The following MAP6 variants were observed in gnomAD, a reference collection of about 807,000 sequenced individuals.
MAP6 encodes the protein microtubule-associated protein 6.
Under a neutral mutation model 42.4 loss-of-function variants are expected in MAP6, and 26 were observed. That is an observed-to-expected ratio of 0.61 (90% CI 0.45 to 0.85). The LOEUF (loss-of-function observed/expected upper bound fraction) is 0.85, where lower values mean the gene tolerates loss of function less well. Among genes scored for constraint, MAP6 ranks in the 40% least tolerant of loss-of-function variants. The probability of loss-of-function intolerance (pLI) is 0.00; values close to 1 mark genes in which losing one functional copy is unlikely to be tolerated. For missense variants in MAP6, 966 were observed against 1,099.0 expected (o/e 0.88, Z 1.71); for synonymous variants, 418 against 443.8 (o/e 0.94, Z 0.73).
At chr11:75,601,483 C>T (rs368594710) in intron 3 of MAP6, among the ~76,000 whole-genome samples, 14 of 152,140 alleles carry the variant, frequency 9.2e-5, no homozygotes, top group Admixed American at 2.6e-4. Context: ...CAAATACATA[C>T]GGCTTTTCAT....
intron 1 of MAP6, among the ~76,000 whole-genome samples, chr11:75,622,391 T>A (rs978036726): frequency 6.6e-6 from 1 of 152,078 alleles, no homozygotes; most frequent in African/African-American, 2.4e-5. Flanking sequence ...ATTACATGTA[T>A]GAGCCACTGC....
intron 3 of MAP6, among the ~76,000 whole-genome samples, chr11:75,597,436 A>G (rs942708777): frequency 4.6e-5 from 7 of 152,246 alleles, no homozygotes; most frequent in Non-Finnish European, 8.8e-5. Flanking sequence ...TGTATGAGAA[A>G]TATTTTTAAA....
At position 75,587,788 on chromosome 11, in the gene MAP6, C is replaced by A; in HGVS notation, c.1713G>T (p.Lys571Asn). 1.9e-6 allele frequency: 3 copies of A among 1,613,566 alleles called. No individual in the cohort carries two copies. The highest frequency in any genetic ancestry group is 2.5e-6 in the Non-Finnish European group (3 of 1,179,558). Residue 571 changes from lysine to asparagine, a missense_variant, in exon 4 of 4, where the codon AAG (lysine) becomes AAT (asparagine). This residue lies in a region of MAP6 where 943 missense variants were observed against 1,049.9 expected (regional missense o/e 0.90). Coordinates refer to ENST00000304771, the MANE Select transcript of MAP6 (RefSeq NM_033063.2). ...GTGCTGGGACCATAGGAGCTTGATTCTTCACAGGCTCAGGAATCCTAGGAC... is the reference window on the plus strand; with the variant it reads ...GTGCTGGGACCATAGGAGCTTGATTATTCACAGGCTCAGGAATCCTAGGAC... ...DQGPRIPEPV[K>N]NQAPMVPAPV... is the part of the protein sequence containing the mutation.
chr11:75,664,880 A>G (rs1943919378), intron 1 of MAP6, among the ~76,000 whole-genome samples: 1 of 151,760 alleles, frequency 6.6e-6, no homozygotes, highest in Non-Finnish European at 1.5e-5. Context: ...GTTAATTTTT[A>G]TTCTGGAACA....
chr11:75,666,620 T>C (rs1347994971), intron 1 of MAP6, among the ~76,000 whole-genome samples: 3 of 152,272 alleles, frequency 2.0e-5, no homozygotes, highest in African/African-American at 7.2e-5. Flanking sequence ...ATTACCACTA[T>C]GTGCTAGGCA....
intron 1 of MAP6, among the ~76,000 whole-genome samples, chr11:75,661,771 T>C (rs1336470127): frequency 6.6e-6 from 1 of 152,132 alleles, no homozygotes; most frequent in African/African-American, 2.4e-5. Context: ...AAGGCAAGGA[T>C]GTTTGTTATC....
intron 3 of MAP6, chr11:75,603,829 A>G (rs1182920171): frequency 2.0e-6 from 2 of 985,354 alleles, no homozygotes; most frequent in Non-Finnish European, 2.4e-6. Context: ...GATTTATTTG[A>G]TCTGCAAAAA....
At chr11:75,603,486 C>T (rs975391404) in intron 3 of MAP6, 3 of 985,030 alleles carry the variant, frequency 3.0e-6, no homozygotes, top group Admixed American at 6.2e-5. Context: ...ACAGGGTTTT[C>T]TCAGTGGGTG....
chr11:75,605,584 G>A (rs771004444), intron 3 of MAP6: 1 of 1,330,522 alleles, frequency 7.5e-7, no homozygotes, highest in Non-Finnish European at 9.6e-7. Context: ...GCTTCCTGGT[G>A]CTCCAGGGGC....
intron 1 of MAP6, among the ~76,000 whole-genome samples, chr11:75,623,719 G>GT (rs963934565): frequency 6.6e-6 from 1 of 151,978 alleles, no homozygotes; most frequent in African/African-American, 2.4e-5. Flanking sequence ...TTTGTCTTAC[G>GT]TTTTTTTTGA....
chr11:75,659,448 C>T (rs1318732922), intron 1 of MAP6, among the ~76,000 whole-genome samples: 1 of 152,222 alleles, frequency 6.6e-6, no homozygotes, highest in Non-Finnish European at 1.5e-5. Context: ...TGCCACTGTA[C>T]TCCAGCCTGG....
At chr11:75,621,894 G>A (rs1487182937) in intron 1 of MAP6, among the ~76,000 whole-genome samples, 1 of 152,016 alleles carries the variant, frequency 6.6e-6, no homozygotes, top group Non-Finnish European at 1.5e-5. Flanking sequence ...GTTGTGGTGG[G>A]TGCCTGTAAT....
At chr11:75,622,869 A>C (rs1322673296) in intron 1 of MAP6, among the ~76,000 whole-genome samples, 1 of 152,212 alleles carries the variant, frequency 6.6e-6, no homozygotes, top group Non-Finnish European at 1.5e-5. Flanking sequence ...GCTTACAGAA[A>C]TAATTGTTAA....
chr11:75,614,674 T>A (rs966953453), intron 1 of MAP6, among the ~76,000 whole-genome samples: 4 of 152,242 alleles, frequency 2.6e-5, no homozygotes, highest in Admixed American at 6.5e-5. Context: ...ACCATCCAGC[T>A]AAGCCATTCC....
intron 1 of MAP6, among the ~76,000 whole-genome samples, chr11:75,610,896 G>A (rs1017074398): frequency 6.6e-6 from 1 of 152,102 alleles, no homozygotes; most frequent in African/African-American, 2.4e-5. Context: ...AAGAAAATAG[G>A]CTTTGGAAAG....
chr11:75,663,717 C>T (rs988059546), intron 1 of MAP6, among the ~76,000 whole-genome samples: 2 of 152,158 alleles, frequency 1.3e-5, no homozygotes, highest in South Asian at 2.1e-4. Flanking sequence ...AGATTGGCCT[C>T]GAGGCATTGC....
chr11:75,643,229 T>C (rs1943504467), intron 1 of MAP6, among the ~76,000 whole-genome samples: 1 of 150,394 alleles, frequency 6.6e-6, no homozygotes. Context: ...TATATATATA[T>C]ATATAAATAT....
Position 75,668,073 on chromosome 11 carries a change from G to C in MAP6, c.297C>G (p.Pro99=). The part of the protein sequence containing the change: ...PTGEREPAAG[P]GRSGPGPGLG... ...GGCCCGGGCCCGGCCCGCTCCGGCC[G>C]GGGCCCGCCGCCGGCTCGCGCTCGC... The change falls in exon 1 of 4, where the codon CCC becomes CCG. Residue 99 remains proline (P), a synonymous_variant. Coordinates refer to ENST00000304771, the MANE Select transcript of MAP6 (RefSeq NM_033063.2). 3.3e-6 allele frequency: 4 copies of C among 1,223,564 alleles called. No homozygotes were observed. The highest frequency in any genetic ancestry group is 3.0e-6 in the Non-Finnish European group (3 of 985,664). 75.8% of individuals were successfully genotyped at this position (1,223,564 alleles called of 1,614,324 possible). A position where few individuals can be genotyped will look rare whatever the true frequency, so the allele number is the denominator to read the frequency against.
intron 1 of MAP6, among the ~76,000 whole-genome samples, chr11:75,653,682 G>A (rs948369926): frequency 6.6e-6 from 1 of 152,192 alleles, no homozygotes; most frequent in African/African-American, 2.4e-5. Flanking sequence ...AGTGGCAAAA[G>A]CCAGGCCTCT....
Sources: gnomAD v4.1 joint callset for allele counts (sites outside exome capture counted in the v4.1 genomes callset) on GRCh38, gnomAD v4.1.1 for gene constraint, gnomAD v4.1.1 regional missense constraint, MANE v1.5 for transcripts, NCBI Gene and HGNC (gene_info 2026-07-23, HGNC 2026-07-21) for gene names.